PCBP2: variants seen among roughly 807,000 people sequenced by gnomAD.
The protein encoded by PCBP2 is poly(rC)-binding protein 2.
Under a neutral mutation model 50.1 loss-of-function variants are expected in PCBP2, and 4 were observed. The observed-to-expected ratio is 0.08, with a 90% CI of 0.04 to 0.18. The LOEUF (loss-of-function observed/expected upper bound fraction) is 0.18. Ranked by LOEUF, PCBP2 falls within the 10% of genes least tolerant of loss-of-function variation. PCBP2 has a pLI of 1.00. For missense variants in PCBP2, 161 were observed against 474.3 expected (o/e 0.34, Z 6.14); for synonymous variants, 179 against 168.0 (o/e 1.07, Z -0.51).
At chr12:53,467,378 A>G (rs939006200) in intron 11 of PCBP2, 85 bp downstream of exon 11, 5 of 1,139,866 alleles carry the variant, frequency 4.4e-6, no homozygotes, top group Non-Finnish European at 6.7e-6. Context: ...ATCTGTTTAA[A>G]ACAAACTTCG....
At chr12:53,477,393 C>T (rs762564424) in intron 14 of PCBP2, among the ~76,000 whole-genome samples, 1 of 152,034 alleles carries the variant, frequency 6.6e-6, no homozygotes, top group African/African-American at 2.4e-5. Flanking sequence ...CTGCCGGGCA[C>T]GGTGGCTCAC....
At chr12:53,466,731 G>A (rs536855213) in intron 10 of PCBP2, among the ~76,000 whole-genome samples, 44 of 152,162 alleles carry the variant, frequency 2.9e-4, no homozygotes, top group African/African-American at 1.0e-3. Flanking sequence ...CAGTGGTGGC[G>A]GTGATGGGAC....
intron 6 of PCBP2, 137 bp downstream of exon 6, chr12:53,459,540 A>G: frequency 1.7e-6 from 1 of 605,712 alleles, no homozygotes; most frequent in Non-Finnish European, 2.7e-6. Context: ...ATGTGATTGT[A>G]CTGAAAATAA....
At chr12:53,470,209 C>T (rs1942112470) in intron 13 of PCBP2, among the ~76,000 whole-genome samples, 1 of 151,774 alleles carries the variant, frequency 6.6e-6, no homozygotes, top group Non-Finnish European at 1.5e-5. Flanking sequence ...GAAACCCTGT[C>T]TCTACTAAAA....
At chr12:53,460,026 T>C in intron 6 of PCBP2, 1 of 302,236 alleles carries the variant, frequency 3.3e-6, no homozygotes, top group South Asian at 2.5e-5. Context: ...CCCAGTGTTA[T>C]TACTACAGGC....
intron 14 of PCBP2, among the ~76,000 whole-genome samples, chr12:53,473,984 T>C (rs994235789): frequency 2.0e-5 from 3 of 152,160 alleles, no homozygotes; most frequent in African/African-American, 7.2e-5. Context: ...AGACTTAGCG[T>C]TGTGGGCTCA....
At chr12:53,477,665 CAAAAAAAAAAAA>C (rs61213286) in intron 14 of PCBP2, among the ~76,000 whole-genome samples, 1,268 of 52,938 alleles carry the variant, frequency 0.024, 36 homozygotes, top group African/African-American at 0.1. Context: ...GACTCTGTCT[CAAAAAAAAAAAA>C]AAAAAAAAAA....
At chr12:53,478,460 A>G (rs896696535) in intron 14 of PCBP2, among the ~76,000 whole-genome samples, 1 of 152,004 alleles carries the variant, frequency 6.6e-6, no homozygotes, top group African/African-American at 2.4e-5. Flanking sequence ...GTGAGTTGAG[A>G]TTGCGCCATT....
chr12:53,473,153 G>T lies in PCBP2; in HGVS notation c.1052+1346G>T, dbSNP rs553298620. Among the ~76,000 whole-genome samples the T allele has an allele frequency of 4.0e-5, 6 of 150,126 alleles. No individual in the cohort carries two copies. In the South Asian group the frequency reaches 1.3e-3, roughly 31 times the overall value. ...GGCTGGAGTGCAGTGGCTCCATCTC[G>T]GCTCACTGCAACCTCTGCCTCCTGG... is the stretch of plus-strand genomic sequence containing the variant. On this transcript the variant is annotated intron_variant, in intron 14 of 14. Coordinates refer to ENST00000546463, the MANE Select transcript of PCBP2 (RefSeq NM_031989.5).
chr12:53,458,602 C>T (rs530191671), intron 5 of PCBP2, among the ~76,000 whole-genome samples: 5 of 151,580 alleles, frequency 3.3e-5, no homozygotes, highest in South Asian at 2.1e-4. Flanking sequence ...CCGCCGTGCC[C>T]GGTCTGTTTT....
chr12:53,474,222 C>T (rs1453178639), intron 14 of PCBP2, among the ~76,000 whole-genome samples: 1 of 152,052 alleles, frequency 6.6e-6, no homozygotes, highest in African/African-American at 2.4e-5. Flanking sequence ...TACCACCTCC[C>T]ACCAGAAAAG....
chr12:53,459,495 G>C, intron 6 of PCBP2, 92 bp downstream of exon 6: 2 of 1,115,324 alleles, frequency 1.8e-6, no homozygotes, highest in African/African-American at 1.6e-5. Context: ...ATGAGATGAA[G>C]ATTTTTATTG....
chr12:53,477,230 C>T (rs1052475835), intron 14 of PCBP2, among the ~76,000 whole-genome samples: 2 of 152,100 alleles, frequency 1.3e-5, no homozygotes, highest in Non-Finnish European at 2.9e-5. Context: ...CTTAAATTTT[C>T]AGGTCCTAGA....
chr12:53,467,610 A>AC, intron 11 of PCBP2, 195 bp from the exon 12 acceptor site: 1 of 629,610 alleles, frequency 1.6e-6, no homozygotes, highest in Non-Finnish European at 2.8e-6. Context: ...TCTGATCAGC[A>AC]CCCCCTTTCT....
At chr12:53,454,945 A>G in intron 2 of PCBP2, 76 bp downstream of exon 2, 3 of 1,209,170 alleles carry the variant, frequency 2.5e-6, no homozygotes, top group Non-Finnish European at 3.7e-6. Flanking sequence ...TGCATCTTGG[A>G]GCTCATCAGA....
At chr12:53,464,883 A>G (rs770643562) in intron 9 of PCBP2, 31 bp downstream of exon 9, 47 of 1,566,112 alleles carry the variant, frequency 3.0e-5, no homozygotes, top group Non-Finnish European at 3.6e-5. Context: ...TCCAAGGCTC[A>G]CTCAATCCTT....
At position 53,467,377 on chromosome 12, in the gene PCBP2, A is replaced by C. The variant is rs746035325; in HGVS notation, c.787+84A>C. On this transcript the variant is annotated intron_variant, in intron 11 of 14. Coordinates refer to ENST00000546463, the MANE Select transcript of PCBP2 (RefSeq NM_031989.5). Reference sequence around the variant, plus strand: ...AAGGTCTCAGCTTGACATCTGTTTAAAACAAACTTCGTTATCCAGCATCCT... The same window carrying C: ...AAGGTCTCAGCTTGACATCTGTTTACAACAAACTTCGTTATCCAGCATCCT... The C allele has an allele frequency of 6.1e-6, 7 of 1,147,050 alleles. No individual in the cohort carries two copies. The East Asian group carries it at 1.2e-4, about 19-fold the overall frequency. The allele number at this position is 1,147,050 out of a possible 1,614,324, so 71.1% of individuals were successfully genotyped here. A position where few individuals can be genotyped will look rare whatever the true frequency, so the allele number is the denominator to read the frequency against.
intron 2 of PCBP2, 131 bp from the exon 3 acceptor site, chr12:53,455,216 C>A: frequency 1.2e-6 from 1 of 827,640 alleles, no homozygotes; most frequent in Non-Finnish European, 1.9e-6. Context: ...AGTCTGTTGG[C>A]TAGACAGTTA....
At position 53,481,119 on chromosome 12, in the gene PCBP2, ATATATG is replaced by A. The variant is rs1213787659; in HGVS notation, c.*1683_*1688del. 1.3e-5 allele frequency: 8 copies of A among 606,530 alleles called. No individual in the cohort carries two copies. Among genetic ancestry groups the A allele is most frequent in the Admixed American group, 1.0e-4 (2 of 19,558 alleles). The allele number at this position is 606,530 out of a possible 1,614,324, so 37.6% of individuals were successfully genotyped here. On this transcript the variant is annotated 3_prime_UTR_variant, in exon 15 of 15. Coordinates refer to ENST00000546463, the MANE Select transcript of PCBP2 (RefSeq NM_031989.5). ...TTGATTATGTGGCGCATATATATATATATATGTATATATATATAATTTATATAAATA... is the reference window on the plus strand; with the variant it reads ...TTGATTATGTGGCGCATATATATATATATATATATATAATTTATATAAATA...
Sources: gnomAD v4.1 joint callset for allele counts (sites outside exome capture counted in the v4.1 genomes callset) on GRCh38, gnomAD v4.1.1 for gene constraint, MANE v1.5 for transcripts, NCBI Gene and HGNC (gene_info 2026-07-23, HGNC 2026-07-21) for gene names.